Variants in HUWE1 observed in about 807,000 individuals in gnomAD.
HUWE1 encodes E3 ubiquitin-protein ligase HUWE1.
A neutral mutation model predicts 299.4 loss-of-function variants in HUWE1; 18 were observed. The ratio of observed to expected loss-of-function variants is 0.06; its 90% CI spans 0.04 to 0.09. The LOEUF is 0.09. HUWE1 is among the 10% of genes least tolerant of loss of function. The pLI is 1.00. For missense variants in HUWE1, 1,832 were observed against 3,462.3 expected (o/e 0.53, Z 11.82); for synonymous variants, 1,317 against 1,286.1 (o/e 1.02, Z -0.51).
chrX:53,536,762 G>C (rs1002102302), intron 78 of HUWE1, 95 bp from the exon 79 acceptor site: 6 of 775,746 alleles, frequency 7.7e-6, no homozygotes, highest in Admixed American at 2.6e-5. Context: ...GCAGTGTCTG[G>C]GGAGTGCAGT....
At chrX:53,667,823 T>C (rs1473618377) in intron 3 of HUWE1, among the ~76,000 whole-genome samples, 1 of 111,582 alleles carries the variant, frequency 9.0e-6, no homozygotes, top group Non-Finnish European at 1.9e-5. Flanking sequence ...TTTACATATG[T>C]TGGTCTTTTT....
intron 30 of HUWE1, 56 bp from the exon 31 acceptor site, chrX:53,594,677 A>C (rs2064354857): frequency 8.6e-7 from 1 of 1,158,277 alleles, no homozygotes; most frequent in Non-Finnish European, 1.2e-6. Context: ...AGACAGAAGC[A>C]ATAGGAAATT....
Position 53,648,320 on chromosome X carries a change from G to T in HUWE1, c.46-10C>A, listed in dbSNP as rs1569509469. The stretch of plus-strand genomic sequence containing the variant: ...CTCTGCAGTCTGCAGGCTGAGAAAA[G>T]AAAAGTATTCACAAAAGATGTTTTG... On this transcript the variant is annotated splice_polypyrimidine_tract_variant and intron_variant, in intron 4 of 83. Transcript: ENST00000262854. 6.4e-6 allele frequency: 7 copies of T among 1,088,669 alleles called. No individual in the cohort carries two copies. Among genetic ancestry groups the T allele is most frequent in the African/African-American group, 1.8e-5 (1 of 54,745 alleles). 89.7% of individuals were successfully genotyped at this position (1,088,669 alleles called of 1,213,427 possible). A position where few individuals can be genotyped will look rare whatever the true frequency, so the allele number is the denominator to read the frequency against.
chrX:53,665,630 T>C (rs1376995505), intron 3 of HUWE1, among the ~76,000 whole-genome samples: 1 of 112,364 alleles, frequency 8.9e-6, no homozygotes, highest in Admixed American at 9.4e-5. Context: ...TCAGAAGAAC[T>C]AGGCAACCAA....
Position 53,625,159 on chromosome X carries a change from T to C in HUWE1, c.1589A>G (p.His530Arg), listed in dbSNP as rs781938610. ...QDPAFSDGIR[H>R]VMDGSLPTSL... ...AAAAGTTATCTGGAATCAAATACCA[T>C]GTCGTATGCCATCTGAGAAAGCAGG... The change falls in exon 18 of 84, where the codon CAT becomes CGT. Residue 530 changes from histidine to arginine, a missense_variant and splice_region_variant. Transcript: ENST00000262854. The C allele has an allele frequency of 2.6e-6, 3 of 1,149,716 alleles. No individual in the cohort carries two copies. Among genetic ancestry groups the C allele is most frequent in the Non-Finnish European group, 3.6e-6 (3 of 840,087 alleles). The allele number at this position is 1,149,716 out of a possible 1,213,427, so 94.7% of individuals were successfully genotyped here.
chrX:53,608,764 C>T (rs782307698), intron 24 of HUWE1, 88 bp downstream of exon 24: 17 of 603,111 alleles, frequency 2.8e-5, no homozygotes, highest in Admixed American at 1.1e-4. Context: ...AAAATGAATA[C>T]GGTAATTACT....
At chrX:53,674,496 CTAAAGAG>C (rs2069712115) in intron 3 of HUWE1, among the ~76,000 whole-genome samples, 1 of 112,126 alleles carries the variant, frequency 8.9e-6, no homozygotes, top group Non-Finnish European at 1.9e-5. Flanking sequence ...ATAAATGCAT[CTAAAGAG>C]TAAGTCTTGT....
At chrX:53,654,293 T>C (rs1557041904) in intron 3 of HUWE1, among the ~76,000 whole-genome samples, 162 bp from the exon 4 acceptor site, 1 of 112,060 alleles carries the variant, frequency 8.9e-6, no homozygotes, top group Non-Finnish European at 1.9e-5. Flanking sequence ...AGCTATCAGG[T>C]AGAGAGAGGT....
chrX:53,579,022 A>G (rs868976724), intron 43 of HUWE1, among the ~76,000 whole-genome samples: 4 of 17,182 alleles, frequency 2.3e-4, no homozygotes, highest in Admixed American at 6.4e-4. Context: ...CCCGTCCGGG[A>G]GGGAGGCGGG....
intron 23 of HUWE1, among the ~76,000 whole-genome samples, chrX:53,612,327 T>C (rs1429971028): frequency 8.9e-6 from 1 of 112,029 alleles, no homozygotes; most frequent in Admixed American, 9.4e-5. Flanking sequence ...CTACTGATAC[T>C]GGGGTACAGT....
At position 53,604,763 on chromosome X, in the gene HUWE1, C is replaced by A; in HGVS notation, c.2568G>T (p.Glu856Asp). The change falls in exon 26 of 84, where the codon GAG becomes GAT. Residue 856 changes from glutamate (E) to aspartate (D), a missense_variant. Physicochemically the swap from Glu to Asp is conservative, Grantham distance 45. Around this residue, in one of 15 missense-constraint regions of HUWE1, gnomAD observed 658 missense variants for 1,282.6 expected, o/e 0.51. Transcript: ENST00000262854. ...GGGATTCAATGGGGCGGTGTAAGGG[C>A]TCCAGGGAGGAGAGGATGGAGTCCA... is the stretch of plus-strand genomic sequence containing the variant. The part of the protein sequence containing the change: ...LQLDSILSSL[E>D]PLHRPIESPG... The A allele has an allele frequency of 8.3e-7, 1 of 1,211,432 alleles. No homozygotes were observed. The highest frequency in any genetic ancestry group is 2.2e-5 in the Admixed American group (1 of 46,088).
At chrX:53,625,355 TATA>T in intron 17 of HUWE1, 97 bp from the exon 18 acceptor site, 2 of 555,894 alleles carry the variant, frequency 3.6e-6, no homozygotes, top group Non-Finnish European at 6.5e-6. Flanking sequence ...CCAAATACAC[TATA>T]ATAAAATTAG....
At chrX:53,577,804 G>C (rs868963065) in intron 43 of HUWE1, among the ~76,000 whole-genome samples, 1 of 114,715 alleles carries the variant, frequency 8.7e-6, no homozygotes, top group Admixed American at 9.1e-5. Context: ...GATTGCAGAC[G>C]GAGTCTCGTT....
At chrX:53,538,534 T>G in intron 76 of HUWE1, 80 bp from the exon 77 acceptor site, 1 of 692,114 alleles carries the variant, frequency 1.4e-6, no homozygotes, top group Non-Finnish European at 2.3e-6. Context: ...CTAGCAACTC[T>G]CTCTTCCTTC....
At chrX:53,684,103 T>C in intron 2 of HUWE1, 2 of 259,268 alleles carry the variant, frequency 7.7e-6, no homozygotes, top group Non-Finnish European at 1.4e-5. Flanking sequence ...CCGAAGTAGC[T>C]ACAGCTTCAC....
At chrX:53,538,194 C>T (rs190137970) in intron 77 of HUWE1, 143 bp downstream of exon 77, 91 of 512,350 alleles carry the variant, frequency 1.8e-4, no homozygotes, top group Middle Eastern at 3.3e-4. Context: ...ATCAATGCTA[C>T]AGCTGTCTCT....
At chrX:53,596,681 C>T (rs1474008915) in intron 29 of HUWE1, among the ~76,000 whole-genome samples, 1 of 112,045 alleles carries the variant, frequency 8.9e-6, no homozygotes, top group Admixed American at 9.5e-5. Context: ...AGTGATCTCT[C>T]ATGGTTCTCG....
At chrX:53,671,595 CCTGG>C (rs1462437348) in intron 3 of HUWE1, among the ~76,000 whole-genome samples, 1 of 110,628 alleles carries the variant, frequency 9.0e-6, no homozygotes, top group African/African-American at 3.3e-5. Flanking sequence ...TCGAGACCAT[CCTGG>C]CTAACACGGT....
At position 53,562,205 on chromosome X, in the gene HUWE1, T is replaced by C; in HGVS notation, c.7244A>G (p.His2415Arg). 1 of 1,204,236 alleles carries C rather than the reference T, an allele frequency of 8.3e-7. No individual in the cohort carries two copies. ...NILDPEDEEEHTQEEDSSGSN... is the reference protein window; with the variant it reads ...NILDPEDEEERTQEEDSSGSN... ...GCCACTGCTGTCCTCTTCCTGAGTG[T>C]GCTCCTCCTCATCCTCAGGGTCCAG... The change falls in exon 54 of 84, where the codon CAC becomes CGC. Residue 2415 changes from histidine to arginine, a missense_variant. This residue lies in a region of HUWE1 where 170 missense variants were observed against 335.8 expected (regional missense o/e 0.51). Coordinates refer to ENST00000262854, the MANE Select transcript of HUWE1 (RefSeq NM_031407.7).
Sources: allele counts gnomAD v4.1 joint callset (sites outside exome capture counted in the v4.1 genomes callset), GRCh38; gene constraint gnomAD v4.1.1; regional missense constraint gnomAD v4.1.1; transcripts MANE v1.5; gene names NCBI Gene and HGNC (gene_info 2026-07-23, HGNC 2026-07-21).